DOCK9: variants seen among roughly 807,000 people sequenced by gnomAD.
The protein encoded by DOCK9 is dedicator of cytokinesis protein 9.
A neutral mutation model predicts 263.3 loss-of-function variants in DOCK9; 89 were observed. The observed-to-expected ratio is 0.34, with a 90% CI of 0.28 to 0.40. The LOEUF (loss-of-function observed/expected upper bound fraction) is 0.40. Among genes scored for constraint, DOCK9 ranks in the 10% least tolerant of loss-of-function variants. The pLI, the probability that DOCK9 is intolerant of heterozygous loss-of-function variation, is 1.00. For missense variants in DOCK9, 2,140 were observed against 2,603.4 expected, an observed-to-expected ratio of 0.82 and a Z score of 3.87; for synonymous variants, 976 against 973.1, an observed-to-expected ratio of 1.00 and a Z score of -0.06.
At chr13:98,965,844 A>C (rs2059134297) in intron 1 of DOCK9, among the ~76,000 whole-genome samples, 1 of 152,246 alleles carries the variant, frequency 6.6e-6, no homozygotes, top group African/African-American at 2.4e-5. Context: ...TGTTATCCTA[A>C]GAACAGACTA....
intron 1 of DOCK9, among the ~76,000 whole-genome samples, chr13:99,032,186 C>G (rs1887412772): frequency 1.3e-5 from 2 of 152,146 alleles, no homozygotes; most frequent in South Asian, 4.2e-4. Context: ...AAAACTGATT[C>G]CAGGCTGGGT....
chr13:98,914,829 T>C lies in DOCK9; in HGVS notation c.893-434A>G, dbSNP rs186955247. Among the ~76,000 whole-genome samples the C allele has an allele frequency of 3.3e-5, 5 of 152,294 alleles. No homozygotes were observed. In the East Asian group the frequency reaches 7.7e-4, roughly 23 times the overall value. On this transcript the variant is annotated intron_variant, in intron 8 of 52. Transcript: ENST00000682017. ...CCTAAGGGTTGAAGTAAAACATGAATTGTCAAGAACATAGCCAGATTTTTC... is the reference window on the plus strand; with the variant it reads ...CCTAAGGGTTGAAGTAAAACATGAACTGTCAAGAACATAGCCAGATTTTTC...
At chr13:98,858,979 TTG>T (rs1354250995) in intron 33 of DOCK9, 5 of 152,250 alleles carry the variant, frequency 3.3e-5, no homozygotes, top group Non-Finnish European at 5.9e-5. Context: ...ACCATACACT[TTG>T]TATCAGCTCT....
chr13:99,078,159 A>C (rs2041985982), intron 1 of DOCK9, among the ~76,000 whole-genome samples: 1 of 152,146 alleles, frequency 6.6e-6, no homozygotes, highest in South Asian at 2.1e-4. Flanking sequence ...CAAGTAGAAG[A>C]GTCAGGCAGG....
chr13:98,822,696 A>AAAC (rs2092344002), intron 45 of DOCK9, among the ~76,000 whole-genome samples: 1 of 141,190 alleles, frequency 7.1e-6, no homozygotes, highest in Non-Finnish European at 1.6e-5. Context: ...AACAAACAAA[A>AAAC]AAGACCATCC....
intron 49 of DOCK9, among the ~76,000 whole-genome samples, chr13:98,803,845 C>CA (rs1175137907): frequency 6.6e-6 from 1 of 152,098 alleles, no homozygotes; most frequent in African/African-American, 2.4e-5. Flanking sequence ...TTTAAGAACA[C>CA]AGTTTTGTTT....
intron 1 of DOCK9, among the ~76,000 whole-genome samples, chr13:99,001,053 C>T (rs1053885235): frequency 6.6e-6 from 1 of 152,152 alleles, no homozygotes; most frequent in African/African-American, 2.4e-5. Flanking sequence ...ACCCTGGTGG[C>T]GTCAGCACTT....
chr13:98,835,375 G>C lies in DOCK9; in HGVS notation c.4314+2119C>G, dbSNP rs565459165. ...GTGCCAATGGACCTCTCGTATCTGT[G>C]AGTCTAAGCCAGGGAAGCCTGTCTT... is the stretch of plus-strand genomic sequence containing the variant. On this transcript the variant is annotated intron_variant, in intron 39 of 52. Transcript: ENST00000682017. Among the ~76,000 whole-genome samples, 13 of 152,314 alleles carry C rather than the reference G, an allele frequency of 8.5e-5. No individual in the cohort carries two copies. In the South Asian group the frequency reaches 2.7e-3, roughly 32 times the overall value.
At chr13:99,085,781 G>A (rs777575842) in intron 1 of DOCK9, among the ~76,000 whole-genome samples, 99 of 150,660 alleles carry the variant, frequency 6.6e-4, no homozygotes, top group Non-Finnish European at 1.2e-3. Context: ...CAGACTGGAT[G>A]AGGAAGCCCC....
chr13:98,890,990 C>T (rs1484506818), intron 15 of DOCK9, among the ~76,000 whole-genome samples: 1 of 152,126 alleles, frequency 6.6e-6, no homozygotes. Flanking sequence ...TTCCGCCTTC[C>T]GTTGAAAAGA....
intron 30 of DOCK9, 106 bp downstream of exon 30, chr13:98,867,319 A>G: frequency 1.3e-6 from 1 of 742,504 alleles, no homozygotes; most frequent in East Asian, 2.6e-5. Flanking sequence ...TTCATCAATG[A>G]AAAAAATCAG....
intron 33 of DOCK9, chr13:98,857,611 T>A (rs1381554617): frequency 6.6e-6 from 1 of 152,214 alleles, no homozygotes; most frequent in East Asian, 1.9e-4. Context: ...TCTTTAACCT[T>A]AGAAGGAAGA....
chr13:98,930,287 G>T, intron 2 of DOCK9, 30 bp from the exon 3 acceptor site: 1 of 1,582,458 alleles, frequency 6.3e-7, no homozygotes, highest in Non-Finnish European at 8.6e-7. Flanking sequence ...GAAAAGCCTT[G>T]GGTAAGTGAA....
intron 15 of DOCK9, among the ~76,000 whole-genome samples, chr13:98,890,760 T>C (rs894494505): frequency 2.2e-4 from 33 of 152,324 alleles, no homozygotes; most frequent in African/African-American, 7.2e-4. Flanking sequence ...GTCACCTGAA[T>C]TAGGACTTCC....
intron 1 of DOCK9, among the ~76,000 whole-genome samples, chr13:99,050,684 G>A (rs957768072): frequency 3.3e-5 from 5 of 152,086 alleles, no homozygotes; most frequent in African/African-American, 7.2e-5. Context: ...GCGAGACTCC[G>A]TCTCTAAGTA....
intron 45 of DOCK9, among the ~76,000 whole-genome samples, chr13:98,822,863 T>G (rs1257328599): frequency 5.3e-5 from 8 of 152,134 alleles, no homozygotes; most frequent in African/African-American, 1.9e-4. Context: ...TCCTTTTAAT[T>G]CATGCTTAGT....
chr13:99,052,446 C>T (rs376457039), intron 1 of DOCK9, among the ~76,000 whole-genome samples: 58 of 152,328 alleles, frequency 3.8e-4, no homozygotes, highest in African/African-American at 1.3e-3. Context: ...GACCACACTC[C>T]GTATCCAAGG....
intron 1 of DOCK9, among the ~76,000 whole-genome samples, chr13:99,074,106 G>C (rs967567059): frequency 2.6e-5 from 4 of 152,244 alleles, no homozygotes; most frequent in African/African-American, 9.6e-5. Flanking sequence ...TGTTTTGCAA[G>C]AAGTGCAAGG....
At chr13:98,851,920 C>A (rs1161261641) in intron 35 of DOCK9, among the ~76,000 whole-genome samples, 1 of 152,042 alleles carries the variant, frequency 6.6e-6, no homozygotes, top group Non-Finnish European at 1.5e-5. Context: ...AAAGGGAAAA[C>A]AATCGATAAC....
Sources: gnomAD v4.1 joint callset for allele counts (sites outside exome capture counted in the v4.1 genomes callset) on GRCh38, gnomAD v4.1.1 for gene constraint, MANE v1.5 for transcripts, NCBI Gene and HGNC (gene_info 2026-07-23, HGNC 2026-07-21) for gene names.